EPB41L3: variants seen among roughly 807,000 people sequenced by gnomAD.
EPB41L3 encodes band 4.1-like protein 3.
A neutral mutation model predicts 127.1 loss-of-function variants in EPB41L3; 57 were observed. That is an observed-to-expected ratio of 0.45 (90% CI 0.36 to 0.56). The LOEUF is 0.56. Among genes scored for constraint, EPB41L3 ranks in the 20% least tolerant of loss-of-function variants. The pLI, the probability that EPB41L3 is intolerant of heterozygous loss-of-function variation, is 0.00. For missense variants in EPB41L3, 1,273 were observed against 1,372.2 expected (o/e 0.93, Z 1.14); for synonymous variants, 572 against 549.5 (o/e 1.04, Z -0.57).
chr18:5,461,404 AAGTGCAAATAGG>A (rs1424943652), intron 3 of EPB41L3, among the ~76,000 whole-genome samples: 3 of 152,224 alleles, frequency 2.0e-5, no homozygotes, highest in Admixed American at 1.3e-4. Context: ...GTGCATTCCT[AAGTGCAAATAGG>A]ACTTAGAATT....
At position 5,478,441 on chromosome 18, in the gene EPB41L3, G is replaced by A. The variant is rs187020097; in HGVS notation, c.184-3C>T. ...AACTCCTGTTCCTTGTCAGTGACCT[G>A]TGAAGAGCAAACAATCAACAGTTTT... On this transcript the variant is annotated splice_region_variant and splice_polypyrimidine_tract_variant and intron_variant, in intron 2 of 22. Transcript: ENST00000341928. 315 of 1,613,822 alleles carry A rather than the reference G, an allele frequency of 2.0e-4. No individual in the cohort carries two copies. The African/African-American group carries it at 3.9e-3, about 20-fold the overall frequency.
chr18:5,398,051 C>G lies in EPB41L3; in HGVS notation c.2442G>C (p.Gly814=). The G allele has an allele frequency of 6.2e-7, 1 of 1,614,068 alleles. No homozygotes were observed. The highest frequency in any genetic ancestry group is 8.5e-7 in the Non-Finnish European group (1 of 1,180,000). The change falls in exon 17 of 23, where the codon GGG becomes GGC. Residue 814 remains glycine (G), a synonymous_variant. Transcript: ENST00000341928. ...SARKPTEFIG[G]VTSTSQSWVQ... is the part of the protein sequence containing the mutation. Reference sequence around the variant, plus strand: ...CCCAGCTTTGAGAAGTAGAAGTAACCCCTCCTATGAATTCTGTTGGTTTTC... The same window carrying G: ...CCCAGCTTTGAGAAGTAGAAGTAACGCCTCCTATGAATTCTGTTGGTTTTC...
chr18:5,572,579 G>C (rs996507896), intron 3 of EPB41L3, among the ~76,000 whole-genome samples: 1 of 151,996 alleles, frequency 6.6e-6, no homozygotes, highest in African/African-American at 2.4e-5. Flanking sequence ...TTTGGTTTTG[G>C]TTTTGTTTTT....
chr18:5,421,314 A>G (rs2077446600), intron 11 of EPB41L3, among the ~76,000 whole-genome samples: 1 of 152,220 alleles, frequency 6.6e-6, no homozygotes, highest in Non-Finnish European at 1.5e-5. Flanking sequence ...CAGGAAAAAA[A>G]AAGTGCGATT....
intron 19 of EPB41L3, among the ~76,000 whole-genome samples, chr18:5,395,917 A>C (rs7232393): frequency 3.3e-5 from 5 of 152,102 alleles, no homozygotes; most frequent in Non-Finnish European, 7.4e-5. Context: ...CAGAAATGTG[A>C]GTGGTGGATG....
At chr18:5,485,287 A>G (rs549033795) in intron 2 of EPB41L3, among the ~76,000 whole-genome samples, 4 of 152,222 alleles carry the variant, frequency 2.6e-5, no homozygotes, top group Admixed American at 2.6e-4. Flanking sequence ...GCATTTGATA[A>G]AATTCAACAT....
chr18:5,478,506 A>G, intron 2 of EPB41L3, 68 bp from the exon 3 acceptor site: 5 of 1,487,894 alleles, frequency 3.4e-6, no homozygotes, highest in Non-Finnish European at 4.7e-6. Context: ...TGCTCATGCA[A>G]TAGCACAAAA....
At chr18:5,442,675 T>G (rs1268741593) in intron 5 of EPB41L3, among the ~76,000 whole-genome samples, 1 of 152,224 alleles carries the variant, frequency 6.6e-6, no homozygotes, top group Non-Finnish European at 1.5e-5. Context: ...ATTAGTTGTT[T>G]GGAAGAATTT....
intron 1 of EPB41L3, among the ~76,000 whole-genome samples, chr18:5,527,398 T>G (rs921533414): frequency 6.6e-6 from 1 of 152,194 alleles, no homozygotes; most frequent in African/African-American, 2.4e-5. Flanking sequence ...AAATAAAATG[T>G]TAAAGACTGA....
chr18:5,515,035 C>T (rs920404501), intron 1 of EPB41L3, among the ~76,000 whole-genome samples: 2 of 152,210 alleles, frequency 1.3e-5, no homozygotes, highest in African/African-American at 4.8e-5. Context: ...TCTATTATTA[C>T]TAACAGTAAG....
intron 3 of EPB41L3, among the ~76,000 whole-genome samples, chr18:5,468,653 C>A (rs536999563): frequency 6.6e-6 from 1 of 152,208 alleles, no homozygotes; most frequent in South Asian, 2.1e-4. Context: ...ATTGGGATAA[C>A]CTGCCTGTGA....
At chr18:5,619,569 G>A (rs1004502834) in intron 1 of EPB41L3, among the ~76,000 whole-genome samples, 2 of 152,068 alleles carry the variant, frequency 1.3e-5, no homozygotes, top group African/African-American at 4.8e-5. Context: ...TCAGAGTCAG[G>A]CAGGAATGTG....
In EPB41L3 at chr18:5,470,868, A is replaced by G. The variant is rs540945724; in HGVS notation, c.381+7373T>C. ...TGGGGCACCAGATAAACCTGTGCAGATGGGAGGCCACTGTAGCCACCCAAG... is the reference window on the plus strand; with the variant it reads ...TGGGGCACCAGATAAACCTGTGCAGGTGGGAGGCCACTGTAGCCACCCAAG... On this transcript the variant is annotated intron_variant, in intron 3 of 22. Transcript: ENST00000341928. Among the ~76,000 whole-genome samples, 18 of 152,330 alleles carry G rather than the reference A, an allele frequency of 1.2e-4. No individual in the cohort carries two copies. In the South Asian group the frequency reaches 3.7e-3, roughly 32 times the overall value.
rs771853054 is a variant in EPB41L3, at chr18:5,398,041, T to C, written c.2452A>G (p.Thr818Ala). Residue 818 changes from threonine (T) to alanine (A), a missense_variant, in exon 17 of 23, where the codon ACT (threonine) becomes GCT (alanine). Physicochemically the swap from Thr to Ala is moderately conservative, Grantham distance 58 (BLOSUM62 0). This residue lies in a region of EPB41L3 where 765 missense variants were observed against 782.9 expected (regional missense o/e 0.98). Transcript: ENST00000341928. ...PTEFIGGVTS[T>A]SQSWVQKMET... ...GCCACCTGAACCCAGCTTTGAGAAG[T>C]AGAAGTAACCCCTCCTATGAATTCT... 8.1e-6 allele frequency: 13 copies of C among 1,614,026 alleles called. No individual in the cohort carries two copies. The highest frequency in any genetic ancestry group is 6.7e-5 in the East Asian group (3 of 44,878).
intron 1 of EPB41L3, chr18:5,540,228 A>T: frequency 2.1e-6 from 1 of 476,272 alleles, no homozygotes; most frequent in Non-Finnish European, 2.7e-6. Flanking sequence ...AGTGCTTTCT[A>T]CTATTTCACA....
At chr18:5,603,247 CTAAG>C (rs967238919) in intron 3 of EPB41L3, among the ~76,000 whole-genome samples, 1 of 152,172 alleles carries the variant, frequency 6.6e-6, no homozygotes, top group Non-Finnish European at 1.5e-5. Flanking sequence ...GGAAGCCTCT[CTAAG>C]TGAGAGGAAA....
At chr18:5,539,931 T>C (rs1391523107) in intron 1 of EPB41L3, among the ~76,000 whole-genome samples, 3 of 152,196 alleles carry the variant, frequency 2.0e-5, no homozygotes, top group Non-Finnish European at 1.5e-5. Context: ...GAAACACCTT[T>C]TTCCATTTTT....
At chr18:5,577,991 A>C (rs1411367617) in intron 3 of EPB41L3, among the ~76,000 whole-genome samples, 1 of 151,958 alleles carries the variant, frequency 6.6e-6, no homozygotes, top group Non-Finnish European at 1.5e-5. Flanking sequence ...TATTCTCTAA[A>C]GTTCAACAAT....
At chr18:5,468,675 C>T (rs1021190777) in intron 3 of EPB41L3, among the ~76,000 whole-genome samples, 1 of 152,142 alleles carries the variant, frequency 6.6e-6, no homozygotes, top group Non-Finnish European at 1.5e-5. Flanking sequence ...AAGAGCTACC[C>T]GCAGAGGCGG....
Sources: gnomAD v4.1 joint callset for allele counts (sites outside exome capture counted in the v4.1 genomes callset) on GRCh38, gnomAD v4.1.1 for gene constraint, gnomAD v4.1.1 regional missense constraint, MANE v1.5 for transcripts, NCBI Gene and HGNC (gene_info 2026-07-23, HGNC 2026-07-21) for gene names.